ARFGEF3: variants seen among roughly 807,000 people sequenced by gnomAD.
ARFGEF3 encodes the protein brefeldin A-inhibited guanine nucleotide-exchange protein 3.
ARFGEF3 carries 96 observed loss-of-function variants against 221.7 expected under a neutral mutation model. That is an observed-to-expected ratio of 0.43 (90% CI 0.37 to 0.51). The LOEUF (loss-of-function observed/expected upper bound fraction) is 0.51. Ranked by LOEUF, ARFGEF3 falls within the 20% of genes least tolerant of loss-of-function variation. The pLI is 0.00. For synonymous variants in ARFGEF3, 1,145 were observed against 1,126.8 expected (o/e 1.02, Z -0.32); for missense variants, 2,410 against 2,789.9 (o/e 0.86, Z 3.07).
At chr6:138,276,174 G>A (rs1017663724) in intron 12 of ARFGEF3, among the ~76,000 whole-genome samples, 2 of 152,198 alleles carry the variant, frequency 1.3e-5, no homozygotes, top group Non-Finnish European at 2.9e-5. Flanking sequence ...GGAGATGACA[G>A]TGTAAGGACA....
chr6:138,192,046 G>T (rs932239047), intron 2 of ARFGEF3, among the ~76,000 whole-genome samples: 2 of 152,196 alleles, frequency 1.3e-5, no homozygotes, highest in Non-Finnish European at 2.9e-5. Flanking sequence ...GGTGAGGCAG[G>T]ACCCTGCCTT....
chr6:138,321,278 T>C, intron 29 of ARFGEF3, 53 bp downstream of exon 29: 1 of 1,018,222 alleles, frequency 9.8e-7, no homozygotes, highest in Non-Finnish European at 1.4e-6. Context: ...TATTTAAAAA[T>C]CTAAAGAAAT....
chr6:138,192,983 G>A (rs1293237365), intron 2 of ARFGEF3, among the ~76,000 whole-genome samples: 3 of 152,062 alleles, frequency 2.0e-5, no homozygotes, highest in Non-Finnish European at 4.4e-5. Flanking sequence ...GGTAGAAAAT[G>A]TCTAAGATTA....
At chr6:138,266,642 G>A (rs1008690482) in intron 12 of ARFGEF3, among the ~76,000 whole-genome samples, 2 of 152,098 alleles carry the variant, frequency 1.3e-5, no homozygotes, top group African/African-American at 2.4e-5. Flanking sequence ...GAGGTTAGGA[G>A]ATCGAGACCA....
chr6:138,252,584 C>T (rs778271820), intron 8 of ARFGEF3, among the ~76,000 whole-genome samples: 2 of 152,192 alleles, frequency 1.3e-5, no homozygotes, highest in Non-Finnish European at 2.9e-5. Context: ...CTTCAAGTTT[C>T]TAGTTGGCCT....
At chr6:138,288,427 T>C (rs1779336420) in intron 17 of ARFGEF3, among the ~76,000 whole-genome samples, 1 of 151,316 alleles carries the variant, frequency 6.6e-6, no homozygotes, top group Non-Finnish European at 1.5e-5. Flanking sequence ...CTTACACTTG[T>C]AATCCCAGCA....
intron 2 of ARFGEF3, among the ~76,000 whole-genome samples, chr6:138,177,403 G>T (rs1288838508): frequency 6.6e-6 from 1 of 152,116 alleles, no homozygotes; most frequent in Non-Finnish European, 1.5e-5. Context: ...ACAGGCATGA[G>T]CTACTGCACC....
Position 138,295,456 on chromosome 6 carries a change from C to A in ARFGEF3, c.3502+1330C>A, listed in dbSNP as rs559104134. The stretch of plus-strand genomic sequence containing the variant: ...CCAATATGGTGAAACCCTGTCTCTA[C>A]TAAAAATGCAAAAAAAAAAAAAAAT... On this transcript the variant is annotated intron_variant, in intron 20 of 33. Transcript: ENST00000251691. Among the ~76,000 whole-genome samples the A allele has an allele frequency of 3.4e-4, 50 of 146,948 alleles. No individual in the cohort carries two copies. The East Asian group carries it at 9.6e-3, about 28-fold the overall frequency.
rs187546699 is a variant in ARFGEF3 at position 138,288,672 on chromosome 6, G to T, written c.2897-1146G>T. Among the ~76,000 whole-genome samples, 656 of 152,296 alleles carry T rather than the reference G, an allele frequency of 4.3e-3. 2 individuals carry two copies. The highest frequency in any genetic ancestry group is 5.0e-3 in the South Asian group (24 of 4,826). On this transcript the variant is annotated intron_variant, in intron 17 of 33. Coordinates refer to ENST00000251691, the MANE Select transcript of ARFGEF3 (RefSeq NM_020340.5). ...TGCACTCCAGCCTGGGTAACAGAGT[G>T]AGACACCATCTCAAATAAATAAATA...
intron 22 of ARFGEF3, among the ~76,000 whole-genome samples, chr6:138,305,672 T>C (rs2114657770): frequency 6.6e-6 from 1 of 150,762 alleles, no homozygotes; most frequent in South Asian, 2.1e-4. Flanking sequence ...TTAAACATTG[T>C]GGCATATGGA....
At chr6:138,205,303 C>A (rs1777607156) in intron 2 of ARFGEF3, among the ~76,000 whole-genome samples, 1 of 152,112 alleles carries the variant, frequency 6.6e-6, no homozygotes, top group South Asian at 2.1e-4. Context: ...CTTTTGGACC[C>A]CCATGCTTGT....
At chr6:138,303,797 G>A (rs568862835) in intron 22 of ARFGEF3, among the ~76,000 whole-genome samples, 1 of 143,698 alleles carries the variant, frequency 7.0e-6, no homozygotes, top group Non-Finnish European at 1.5e-5. Context: ...GGGAGGCAGA[G>A]GTTGCAGTGA....
At chr6:138,198,103 G>A (rs1777465002) in intron 2 of ARFGEF3, among the ~76,000 whole-genome samples, 1 of 152,106 alleles carries the variant, frequency 6.6e-6, no homozygotes, top group Non-Finnish European at 1.5e-5. Flanking sequence ...AAAAGTTGAT[G>A]TCTTGAGGTA....
chr6:138,161,961 G>T lies in ARFGEF3; in HGVS notation c.-126G>T. On this transcript the variant is annotated 5_prime_UTR_variant, in exon 1 of 34. Coordinates refer to ENST00000251691, the MANE Select transcript of ARFGEF3 (RefSeq NM_020340.5). ...GGCGTGATTCATCAGCATCCGCGCC[G>T]GGGCGGCATGGGGGCGCGCGCGGCG... 1 of 315,740 alleles carries T rather than the reference G, an allele frequency of 3.2e-6. No homozygotes were observed. 19.6% of individuals were successfully genotyped at this position (315,740 alleles called of 1,614,324 possible).
chr6:138,179,466 T>C (rs1422056994), intron 2 of ARFGEF3, among the ~76,000 whole-genome samples: 1 of 152,154 alleles, frequency 6.6e-6, no homozygotes, highest in African/African-American at 2.4e-5. Flanking sequence ...ACAGCTTTTT[T>C]TTTTCCCATT....
intron 12 of ARFGEF3, among the ~76,000 whole-genome samples, chr6:138,269,156 C>A (rs1277747997): frequency 6.6e-6 from 1 of 152,232 alleles, no homozygotes; most frequent in Non-Finnish European, 1.5e-5. Flanking sequence ...GTCCCGCCAA[C>A]CCTGCAGGTA....
At chr6:138,286,449 CAAAAAA>C (rs960871572) in intron 15 of ARFGEF3, among the ~76,000 whole-genome samples, 1 of 56,550 alleles carries the variant, frequency 1.8e-5, no homozygotes, top group Non-Finnish European at 3.7e-5. Flanking sequence ...GACTCCGTCT[CAAAAAA>C]AAAAAAAAAA....
intron 4 of ARFGEF3, among the ~76,000 whole-genome samples, chr6:138,214,035 T>C (rs2114504414): frequency 6.6e-6 from 1 of 152,276 alleles, no homozygotes; most frequent in South Asian, 2.1e-4. Context: ...GAATAATAAG[T>C]TTTATCCCTC....
rs1296488998 is a variant in ARFGEF3, at chr6:138,339,804, C to T, written c.*3318C>T. ...AGGCTGCCTTTTTACACCACCTTCT[C>T]TCTCTCCCCTTGTGGTAATTTTCCA... On this transcript the variant is annotated 3_prime_UTR_variant, in exon 34 of 34. Coordinates refer to ENST00000251691, the MANE Select transcript of ARFGEF3 (RefSeq NM_020340.5). The T allele has an allele frequency of 1.3e-5, 2 of 152,318 alleles. No homozygotes were observed. The highest frequency in any genetic ancestry group is 2.9e-5 in the Non-Finnish European group (2 of 68,122). 9.4% of individuals were successfully genotyped at this position (152,318 alleles called of 1,614,324 possible).
Sources: gnomAD v4.1 joint callset for allele counts (sites outside exome capture counted in the v4.1 genomes callset) on GRCh38, gnomAD v4.1.1 for gene constraint, MANE v1.5 for transcripts, NCBI Gene and HGNC (gene_info 2026-07-23, HGNC 2026-07-21) for gene names.